GRID1: variants seen among roughly 807,000 people sequenced by gnomAD.
The protein encoded by GRID1 is glutamate ionotropic receptor delta type subunit 1.
A neutral mutation model predicts 98.0 loss-of-function variants in GRID1; 28 were observed. The ratio of observed to expected loss-of-function variants is 0.29; its 90% CI spans 0.21 to 0.39. GRID1 has a LOEUF of 0.39. GRID1 is among the 10% of genes least tolerant of loss of function. The pLI is 1.00. For synonymous variants in GRID1, 553 were observed against 538.5 expected (o/e 1.03, Z -0.37); for missense variants, 1,111 against 1,340.5 (o/e 0.83, Z 2.67).
intron 15 of GRID1, among the ~76,000 whole-genome samples, chr10:85,610,916 A>G (rs1038382060): frequency 1.3e-5 from 2 of 152,220 alleles, no homozygotes; most frequent in Non-Finnish European, 2.9e-5. Flanking sequence ...GTGCTTTTCC[A>G]ACCTGCCTCT....
rs932801479 is a variant in GRID1 at position 85,851,964 on chromosome 10, C to T, written c.1233+2532G>A. 1.7e-4 allele frequency among the ~76,000 whole-genome samples: 26 copies of T among 152,136 alleles called. No homozygotes were observed. In the Middle Eastern group the frequency reaches 0.01, roughly 60 times the overall value. On this transcript the variant is annotated intron_variant, in intron 8 of 15. Coordinates refer to ENST00000327946, the MANE Select transcript of GRID1 (RefSeq NM_017551.3). ...TTCCCAGCCCCACCCTTCACAGCCC[C>T]GTCTCCCACCCGAAACTACCACTCA...
chr10:85,825,372 C>A (rs540187965), intron 8 of GRID1, among the ~76,000 whole-genome samples: 1 of 145,874 alleles, frequency 6.9e-6, no homozygotes, highest in African/African-American at 2.5e-5. Context: ...TGTCCATTTT[C>A]TGATGGGATT....
chr10:85,836,922 T>C (rs563334232), intron 8 of GRID1, among the ~76,000 whole-genome samples: 2 of 152,212 alleles, frequency 1.3e-5, no homozygotes, highest in Admixed American at 6.5e-5. Context: ...AGAGCTCCAA[T>C]GAAGTGGCTC....
chr10:85,991,525 T>G (rs1039967923), intron 4 of GRID1, among the ~76,000 whole-genome samples: 14 of 150,002 alleles, frequency 9.3e-5, no homozygotes, highest in African/African-American at 3.4e-4. Context: ...ACTGCCCCTC[T>G]GGGGAGGTGG....
intron 2 of GRID1, among the ~76,000 whole-genome samples, chr10:86,350,071 C>T (rs1014693438): frequency 6.6e-6 from 1 of 152,224 alleles, no homozygotes; most frequent in African/African-American, 2.4e-5. Context: ...TGCAAAGAGC[C>T]TTCCAGATAG....
At chr10:86,038,726 T>C (rs1843304590) in intron 4 of GRID1, among the ~76,000 whole-genome samples, 1 of 152,252 alleles carries the variant, frequency 6.6e-6, no homozygotes, top group Non-Finnish European at 1.5e-5. Context: ...TCAGTCCTTC[T>C]AAATATCCCA....
chr10:86,174,873 CA>C (rs1317245520), intron 3 of GRID1, among the ~76,000 whole-genome samples: 2 of 151,976 alleles, frequency 1.3e-5, no homozygotes, highest in African/African-American at 2.4e-5. Flanking sequence ...TTTATGCAGC[CA>C]AAAAACACAT....
chr10:85,860,733 CAGT>C (rs1308060486), intron 6 of GRID1, among the ~76,000 whole-genome samples: 1 of 152,224 alleles, frequency 6.6e-6, no homozygotes, highest in East Asian at 1.9e-4. Flanking sequence ...CAGGTCTCCA[CAGT>C]AGTGCGTGGA....
chr10:85,712,447 A>C (rs1355527589), intron 12 of GRID1, among the ~76,000 whole-genome samples: 1 of 151,864 alleles, frequency 6.6e-6, no homozygotes, highest in African/African-American at 2.4e-5. Flanking sequence ...GACAAAACTG[A>C]AGGGAGAAAT....
At chr10:86,237,699 C>CA (rs60612464) in intron 2 of GRID1, among the ~76,000 whole-genome samples, 2,226 of 90,066 alleles carry the variant, frequency 0.025, 39 homozygotes, top group African/African-American at 0.054. Context: ...GACTCTGTCT[C>CA]AAAAAAAAAA....
At chr10:86,089,468 C>T (rs529956930) in intron 4 of GRID1, among the ~76,000 whole-genome samples, 2 of 152,246 alleles carry the variant, frequency 1.3e-5, no homozygotes, top group South Asian at 2.1e-4. Context: ...AAACAGAAGG[C>T]GTAAGGAAGA....
intron 4 of GRID1, among the ~76,000 whole-genome samples, chr10:85,995,625 T>C (rs1000372573): frequency 2.6e-5 from 4 of 152,204 alleles, no homozygotes; most frequent in African/African-American, 7.2e-5. Flanking sequence ...AGCAGGCAGA[T>C]AGGAGAAGAA....
chr10:86,322,258 G>A (rs991640101), intron 2 of GRID1, among the ~76,000 whole-genome samples: 4 of 152,004 alleles, frequency 2.6e-5, no homozygotes, highest in African/African-American at 9.7e-5. Context: ...AGACATGAAG[G>A]ATATAAGCTC....
intron 2 of GRID1, among the ~76,000 whole-genome samples, chr10:86,269,342 T>C (rs1335377525): frequency 3.9e-5 from 6 of 152,252 alleles, no homozygotes; most frequent in Non-Finnish European, 5.9e-5. Flanking sequence ...AGGCTGTATC[T>C]AAGATGACAC....
chr10:86,104,810 A>G (rs1196907126), intron 4 of GRID1, among the ~76,000 whole-genome samples: 1 of 152,206 alleles, frequency 6.6e-6, no homozygotes, highest in Non-Finnish European at 1.5e-5. Context: ...TCTTATTCCC[A>G]GGACCCGGCC....
At chr10:86,293,778 T>C (rs1847549743) in intron 2 of GRID1, among the ~76,000 whole-genome samples, 1 of 152,156 alleles carries the variant, frequency 6.6e-6, no homozygotes, top group East Asian at 1.9e-4. Context: ...CATTCATTCA[T>C]TCATTCACCA....
At position 86,127,314 on chromosome 10, in the gene GRID1, C is replaced by T. The variant is rs149045817; in HGVS notation, c.726+11505G>A. Among the ~76,000 whole-genome samples the T allele has an allele frequency of 1.1e-4, 16 of 152,304 alleles. No homozygotes were observed. In the East Asian group the frequency reaches 1.7e-3, roughly 17 times the overall value. ...TCTATCTTAGTGGCGTACTGGCCAC[C>T]GACAGGCTGCTGAGAGATGCCTTCT... On this transcript the variant is annotated intron_variant, in intron 4 of 15. Coordinates refer to ENST00000327946, the MANE Select transcript of GRID1 (RefSeq NM_017551.3).
chr10:86,009,139 C>T (rs767141402), intron 4 of GRID1, among the ~76,000 whole-genome samples: 4 of 151,482 alleles, frequency 2.6e-5, no homozygotes, highest in Non-Finnish European at 5.9e-5. Context: ...AACTTATAAC[C>T]GAAAAAAAAA....
intron 12 of GRID1, among the ~76,000 whole-genome samples, chr10:85,661,751 C>T (rs1013590831): frequency 6.6e-6 from 1 of 152,164 alleles, no homozygotes; most frequent in Non-Finnish European, 1.5e-5. Flanking sequence ...CACAGTGCCT[C>T]GGGATGAAAG....
Sources: allele counts gnomAD v4.1 joint callset (sites outside exome capture counted in the v4.1 genomes callset), GRCh38; gene constraint gnomAD v4.1.1; transcripts MANE v1.5; gene names NCBI Gene and HGNC (gene_info 2026-07-23, HGNC 2026-07-21).